Variants in METTL24 observed in about 807,000 individuals in gnomAD.
METTL24 encodes probable methyltransferase-like protein 24.
Under a neutral mutation model 32.7 loss-of-function variants are expected in METTL24, and 29 were observed. The observed-to-expected ratio is 0.89, with a 90% confidence interval of 0.66 to 1.21. METTL24 has a LOEUF of 1.21. METTL24 is among the 50% of genes most tolerant of loss of function. METTL24 has a pLI of 0.00. For synonymous variants in METTL24, 163 were observed against 179.5 expected (o/e 0.91, Z 0.73); for missense variants, 439 against 468.1 (o/e 0.94, Z 0.57).
intron 4 of METTL24, among the ~76,000 whole-genome samples, chr6:110,288,940 G>C (rs1221417177): frequency 6.6e-6 from 1 of 152,172 alleles, no homozygotes; most frequent in Non-Finnish European, 1.5e-5. Context: ...CCACTGGCTG[G>C]AGCTATAGCA....
chr6:110,246,786 T>A (rs1488646401), intron 4 of METTL24, among the ~76,000 whole-genome samples: 1 of 152,142 alleles, frequency 6.6e-6, no homozygotes, highest in African/African-American at 2.4e-5. Flanking sequence ...GACAAAGGGC[T>A]ACTGCCTGCA....
chr6:110,309,013 T>C (rs114866705), intron 3 of METTL24, among the ~76,000 whole-genome samples: 2,783 of 152,282 alleles, frequency 0.018, 86 homozygotes, highest in African/African-American at 0.063. Flanking sequence ...CAGAGGCTTC[T>C]TTTTTGGGGT....
chr6:110,301,988 C>T (rs559214251), intron 3 of METTL24, among the ~76,000 whole-genome samples: 5 of 152,072 alleles, frequency 3.3e-5, no homozygotes, highest in African/African-American at 9.6e-5. Flanking sequence ...ATTAAGAGAA[C>T]GTTATGGCTG....
chr6:110,347,169 G>C (rs997406447), intron 1 of METTL24, among the ~76,000 whole-genome samples: 2 of 152,102 alleles, frequency 1.3e-5, no homozygotes, highest in African/African-American at 4.8e-5. Flanking sequence ...ATGAGAATTG[G>C]TTGTTAGCTC....
At chr6:110,256,397 T>C (rs971814658) in intron 4 of METTL24, among the ~76,000 whole-genome samples, 4 of 152,170 alleles carry the variant, frequency 2.6e-5, no homozygotes, top group Admixed American at 1.3e-4. Context: ...CAACTTGATG[T>C]CCTCCATTTC....
intron 4 of METTL24, among the ~76,000 whole-genome samples, chr6:110,278,196 G>A (rs377320889): frequency 4.6e-5 from 7 of 152,182 alleles, no homozygotes; most frequent in East Asian, 1.9e-4. Flanking sequence ...TCTGGTTCCC[G>A]TGTGTGAATT....
intron 3 of METTL24, among the ~76,000 whole-genome samples, chr6:110,300,179 C>T (rs973880178): frequency 1.3e-5 from 2 of 152,022 alleles, no homozygotes; most frequent in African/African-American, 4.8e-5. Context: ...GATGCAGGAG[C>T]CTACTGATAT....
intron 4 of METTL24, among the ~76,000 whole-genome samples, chr6:110,294,180 G>A (rs1044204406): frequency 2.6e-5 from 4 of 151,652 alleles, no homozygotes; most frequent in Non-Finnish European, 5.9e-5. Flanking sequence ...GTGAGAGAGA[G>A]AAAGCAAATG....
chr6:110,326,731 T>C (rs993418922), intron 1 of METTL24, among the ~76,000 whole-genome samples: 2 of 152,216 alleles, frequency 1.3e-5, no homozygotes, highest in African/African-American at 4.8e-5. Flanking sequence ...AAGGGAACTA[T>C]ATGGAGAAGT....
At chr6:110,347,632 A>G (rs866395381) in intron 1 of METTL24, among the ~76,000 whole-genome samples, 7 of 152,246 alleles carry the variant, frequency 4.6e-5, no homozygotes, top group African/African-American at 1.7e-4. Context: ...TAAAGAGGTA[A>G]CAGAGTGGTA....
chr6:110,259,884 A>G (rs1778459036), intron 4 of METTL24, among the ~76,000 whole-genome samples: 1 of 152,214 alleles, frequency 6.6e-6, no homozygotes, highest in Non-Finnish European at 1.5e-5. Flanking sequence ...GCAAACTCCA[A>G]CAGACCTGCA....
At chr6:110,302,075 A>T (rs2114734509) in intron 3 of METTL24, among the ~76,000 whole-genome samples, 1 of 152,204 alleles carries the variant, frequency 6.6e-6, no homozygotes. Flanking sequence ...GGAGATCGAG[A>T]TTATCCTGGC....
At chr6:110,331,345 T>C (rs1190982954) in intron 1 of METTL24, among the ~76,000 whole-genome samples, 2 of 145,460 alleles carry the variant, frequency 1.4e-5, no homozygotes, top group South Asian at 4.3e-4. Context: ...AAGAATGCAG[T>C]GCAGGAAAAA....
intron 4 of METTL24, among the ~76,000 whole-genome samples, chr6:110,269,788 AATATTC>A (rs1770921914): frequency 6.6e-6 from 1 of 152,168 alleles, no homozygotes; most frequent in Admixed American, 6.6e-5. Flanking sequence ...GAGTAATCTA[AATATTC>A]ATATGATGTT....
chr6:110,287,793 G>A (rs921539283), intron 4 of METTL24, among the ~76,000 whole-genome samples: 1 of 152,184 alleles, frequency 6.6e-6, no homozygotes, highest in East Asian at 1.9e-4. Context: ...TAGGTACTTG[G>A]AATGGGAATC....
At chr6:110,274,293 A>G (rs1288099593) in intron 4 of METTL24, among the ~76,000 whole-genome samples, 3 of 152,118 alleles carry the variant, frequency 2.0e-5, no homozygotes, top group Non-Finnish European at 2.9e-5. Flanking sequence ...GGGTTTCACC[A>G]TGTTGGCCAG....
chr6:110,243,958 T>A lies in METTL24; in HGVS notation c.*1988A>T, dbSNP rs1428030845. Among the ~76,000 whole-genome samples, 1 of 152,242 alleles carries A rather than the reference T, an allele frequency of 6.6e-6. No homozygotes were observed. The highest frequency in any genetic ancestry group is 1.5e-5 in the Non-Finnish European group (1 of 68,042). ...AATAATGTGGTTTTTATGCTATTTA[T>A]TTGAAATAGAATTTTAGAAAATTAT... On this transcript the variant is annotated 3_prime_UTR_variant, in exon 5 of 5. Coordinates refer to ENST00000338882, the MANE Select transcript of METTL24 (RefSeq NM_001123364.3).
chr6:110,295,008 TC>T lies in METTL24; in HGVS notation c.786+3913del, dbSNP rs758522288. On this transcript the variant is annotated intron_variant, in intron 4 of 4. Transcript: ENST00000338882. ...CTTTAATTGCTTTTCTTTTTTTCTT[TC>T]TTTCTTTTTTTTTTTTTTTTTTTTT... 3.3e-3 allele frequency among the ~76,000 whole-genome samples: 479 copies of T among 145,290 alleles called. 14 individuals carry two copies. The highest frequency in any genetic ancestry group is 0.012 in the African/African-American group (442 of 37,124).
intron 4 of METTL24, among the ~76,000 whole-genome samples, chr6:110,274,241 C>T (rs1387369542): frequency 1.3e-5 from 2 of 152,040 alleles, no homozygotes; most frequent in Admixed American, 1.3e-4. Flanking sequence ...TACAGGTGCC[C>T]ACCACTATGC....
Sources: gnomAD v4.1 joint callset for allele counts (sites outside exome capture counted in the v4.1 genomes callset) on GRCh38, gnomAD v4.1.1 for gene constraint, MANE v1.5 for transcripts, NCBI Gene and HGNC (gene_info 2026-07-23, HGNC 2026-07-21) for gene names.